The following HUWE1 variants were observed in gnomAD, a reference collection of about 807,000 sequenced individuals.
HUWE1 encodes the protein HECT, UBA and WWE domain containing E3 ubiquitin protein ligase 1, also known as E3 ubiquitin-protein ligase HUWE1.
In HUWE1, 18 loss-of-function variants were observed where a neutral mutation model predicts 299.4. The ratio of observed to expected loss-of-function variants is 0.06; its 90% CI spans 0.04 to 0.09. HUWE1 has a LOEUF of 0.09. Ranked by LOEUF, HUWE1 falls within the 10% of genes least tolerant of loss-of-function variation. HUWE1 has a pLI of 1.00. For missense variants in HUWE1, 1,832 were observed against 3,462.3 expected (o/e 0.53, Z 11.82); for synonymous variants, 1,317 against 1,286.1 (o/e 1.02, Z -0.51).
At chrX:53,550,618 T>C in intron 66 of HUWE1, 48 bp downstream of exon 66, 2 of 1,085,053 alleles carry the variant, frequency 1.8e-6, no homozygotes, top group East Asian at 6.0e-5. Context: ...GGAGCTGGGC[T>C]AATAGACTTG....
At chrX:53,575,360 T>C (rs1482447174) in intron 45 of HUWE1, 139 bp from the exon 46 acceptor site, 3 of 527,762 alleles carry the variant, frequency 5.7e-6, no homozygotes, top group Non-Finnish European at 1.0e-5. Flanking sequence ...TACACCTTTA[T>C]ACTATAATCT....
intron 3 of HUWE1, among the ~76,000 whole-genome samples, chrX:53,671,176 A>C (rs1352325561): frequency 1.8e-5 from 2 of 111,756 alleles, no homozygotes; most frequent in Non-Finnish European, 3.8e-5. Flanking sequence ...AATTGGGTTC[A>C]GTGTATACTG....
chrX:53,603,243 G>A, intron 27 of HUWE1, 125 bp downstream of exon 27: 1 of 628,129 alleles, frequency 1.6e-6, no homozygotes, highest in Non-Finnish European at 2.5e-6. Flanking sequence ...TCCTAGGCTG[G>A]GAAGAGGGAA....
chrX:53,655,789 A>C (rs1365623053), intron 3 of HUWE1, among the ~76,000 whole-genome samples: 3 of 111,983 alleles, frequency 2.7e-5, no homozygotes, highest in African/African-American at 9.8e-5. Context: ...GCCTCAATAC[A>C]ACTCAAATAA....
chrX:53,644,245 T>C (rs781918751), intron 7 of HUWE1, among the ~76,000 whole-genome samples: 24 of 112,599 alleles, frequency 2.1e-4, no homozygotes, highest in South Asian at 1.1e-3. Flanking sequence ...TTGAATCCAA[T>C]GGAAATGCCT....
Position 53,631,444 on chromosome X carries a change from G to A in HUWE1, c.732C>T (p.Thr244=), listed in dbSNP as rs2066871329. The change falls in exon 11 of 84, where the codon ACC becomes ACT. Residue 244 remains threonine, a synonymous_variant. Transcript: ENST00000262854. ...TATCCTTAGGAATGCTGTACATTTT[G>A]GTAAGAGATTCCATGATTTCAGAAG... ...ESPSEIMESL[T]KMYSIPKDKQ... 8.3e-7 allele frequency: 1 copy of A among 1,201,654 alleles called. No individual in the cohort carries two copies. The highest frequency in any genetic ancestry group is 3.0e-5 in the East Asian group (1 of 33,766).
chrX:53,584,959 CAT>C, intron 40 of HUWE1, 51 bp downstream of exon 40: 1 of 1,166,437 alleles, frequency 8.6e-7, no homozygotes, highest in Non-Finnish European at 1.2e-6. Flanking sequence ...CATCCTGAGC[CAT>C]ATGTGGCCTG....
intron 8 of HUWE1, 136 bp downstream of exon 8, chrX:53,634,100 T>C: frequency 1.9e-6 from 1 of 539,694 alleles, no homozygotes; most frequent in Non-Finnish European, 3.3e-6. Context: ...TTCAGCTATG[T>C]CTGAACTGAT....
Position 53,546,928 on chromosome X carries a change from TG to T in HUWE1, c.10637-104del, listed in dbSNP as rs2061562556. On this transcript the variant is annotated intron_variant, in intron 68 of 83. Transcript: ENST00000262854. ...CGCTGAATTGCCCAGGGCTTCAAAA[TG>T]GGAAAGTACTGAAAAAGAAAACCCA... 4.9e-6 allele frequency: 5 copies of T among 1,023,406 alleles called. No homozygotes were observed. In the African/African-American group the frequency reaches 5.6e-5, roughly 11 times the overall value. 84.3% of individuals were successfully genotyped at this position (1,023,406 alleles called of 1,213,427 possible).
chrX:53,588,569 C>G, intron 36 of HUWE1, 35 bp from the exon 37 acceptor site: 1 of 1,171,791 alleles, frequency 8.5e-7, no homozygotes, highest in Non-Finnish European at 1.1e-6. Flanking sequence ...GTCACGGAAC[C>G]GCAGAGCAAG....
At chrX:53,662,851 A>G (rs1047928906) in intron 3 of HUWE1, among the ~76,000 whole-genome samples, 6 of 111,772 alleles carry the variant, frequency 5.4e-5, no homozygotes, top group Non-Finnish European at 9.4e-5. Context: ...CTATAATCTT[A>G]GCACTTTGGG....
chrX:53,577,039 T>C lies in HUWE1; in HGVS notation c.5745A>G (p.Arg1915=). 8.3e-7 allele frequency: 1 copy of C among 1,209,048 alleles called. No homozygotes were observed. The highest frequency in any genetic ancestry group is 1.7e-5 in the African/African-American group (1 of 57,565). The change falls in exon 44 of 84, where the codon AGA becomes AGG. Residue 1915 remains arginine, a synonymous_variant. Transcript: ENST00000262854. ...GCTGTACAGCATTAGGGCCTTTAAT[T>C]CTAAGATTCTCAAATTCATCATCTG... ...TASDDEFENL[R]IKGPNAVQLV...
intron 3 of HUWE1, among the ~76,000 whole-genome samples, chrX:53,661,160 G>A (rs1467420316): frequency 2.8e-5 from 3 of 107,598 alleles, no homozygotes; most frequent in African/African-American, 6.8e-5. Context: ...TCAGCCTCCC[G>A]AGTAGCTGGG....
chrX:53,543,265 C>T (rs1345389218), intron 73 of HUWE1, among the ~76,000 whole-genome samples: 1 of 110,905 alleles, frequency 9.0e-6, no homozygotes, highest in Non-Finnish European at 1.9e-5. Context: ...CCACAGCATA[C>T]ACATGTGATG....
chrX:53,668,599 A>G (rs1335030470), intron 3 of HUWE1, among the ~76,000 whole-genome samples: 1 of 111,675 alleles, frequency 9.0e-6, no homozygotes, highest in Admixed American at 9.5e-5. Context: ...GTTGCCATAC[A>G]TCTCTGAGTC....
intron 68 of HUWE1, 136 bp from the exon 69 acceptor site, chrX:53,546,961 A>G: frequency 1.3e-6 from 1 of 788,334 alleles, no homozygotes. Flanking sequence ...CCCACCCACC[A>G]AAGGCAAATC....
Position 53,549,112 on chromosome X carries a change from T to G in HUWE1, c.9882A>C (p.Leu3294=), listed in dbSNP as rs1556926102. The change falls in exon 67 of 84, where the codon CTA becomes CTC. Residue 3294 remains leucine (L), a synonymous_variant. Coordinates refer to ENST00000262854, the MANE Select transcript of HUWE1 (RefSeq NM_031407.7). Reference sequence around the variant, plus strand: ...TCTGAAATATATTAGTCCTGCAGCCTAGGGCTGCATCCATGGATACTGAGA... The same window carrying G: ...TCTGAAATATATTAGTCCTGCAGCCGAGGGCTGCATCCATGGATACTGAGA... ...SWLSVSMDAA[L]GCRTNIFQIQ... 2.5e-6 allele frequency: 3 copies of G among 1,211,515 alleles called. No individual in the cohort carries two copies. Among genetic ancestry groups the G allele is most frequent in the East Asian group, 3.0e-5 (1 of 33,863 alleles).
intron 6 of HUWE1, among the ~76,000 whole-genome samples, chrX:53,645,864 G>A (rs782356462): frequency 1.6e-3 from 161 of 102,958 alleles, no homozygotes; most frequent in African/African-American, 5.1e-3. Context: ...AGTAAAAAAC[G>A]TAAATAGTGG....
chrX:53,550,360 C>T (rs188690712), intron 66 of HUWE1, among the ~76,000 whole-genome samples: 77 of 112,133 alleles, frequency 6.9e-4, no homozygotes, highest in Non-Finnish European at 1.2e-3. Context: ...AAACTCAAGG[C>T]AGGTGGTTAG....
Sources: gnomAD v4.1 joint callset for allele counts (sites outside exome capture counted in the v4.1 genomes callset) on GRCh38, gnomAD v4.1.1 for gene constraint, MANE v1.5 for transcripts, NCBI Gene and HGNC (gene_info 2026-07-23, HGNC 2026-07-21) for gene names.